The following ABCB4 variants were observed in gnomAD, a reference collection of about 807,000 sequenced individuals.
ABCB4 encodes the protein phosphatidylcholine translocator ABCB4.
ABCB4 carries 76 observed loss-of-function variants against 145.7 expected under a neutral mutation model. The ratio of observed to expected loss-of-function variants is 0.52; its 90% CI spans 0.43 to 0.63. The LOEUF is 0.63. Ranked by LOEUF, ABCB4 falls within the 30% of genes least tolerant of loss-of-function variation. The probability of loss-of-function intolerance (pLI) is 0.00; values close to 1 mark genes in which losing one functional copy is unlikely to be tolerated. For missense variants in ABCB4, 1,234 were observed against 1,553.1 expected, an observed-to-expected ratio of 0.79 and a Z score of 3.45; for synonymous variants, 517 against 566.8, an observed-to-expected ratio of 0.91 and a Z score of 1.25.
chr7:87,390,847 T>C, the ABCB4 span, among the ~76,000 whole-genome samples: 1 of 152,252 alleles, frequency 6.6e-6, no homozygotes, highest in East Asian at 1.9e-4. Context: ...CACATACTTT[T>C]TTATATCACA....
At chr7:87,385,965 G>C in the ABCB4 span, among the ~76,000 whole-genome samples, 2 of 152,094 alleles carry the variant, frequency 1.3e-5, no homozygotes, top group African/African-American at 4.8e-5. Context: ...TTATTCTGTT[G>C]ATGTGATATA....
Position 87,415,841 on chromosome 7 carries a change from A to G in ABCB4, c.2682+1471T>C, listed in dbSNP as rs557429548. Among the ~76,000 whole-genome samples the G allele has an allele frequency of 1.1e-4, 17 of 152,354 alleles. 1 individual carries two copies. In the South Asian group the frequency reaches 3.3e-3, roughly 30 times the overall value. On this transcript the variant is annotated intron_variant, in intron 21 of 27. Coordinates refer to ENST00000649586, the MANE Select transcript of ABCB4 (RefSeq NM_000443.4). The stretch of plus-strand genomic sequence containing the variant: ...ATTAACTAGATTCAAGATGTTTTCT[A>G]TCATGTAACTTGTCTAAGAAAAGTT...
chr7:87,398,898 G>A, downstream of ABCB4: 1 of 405,068 alleles, frequency 2.5e-6, no homozygotes, highest in Non-Finnish European at 4.5e-6. Context: ...GAACTATGCA[G>A]TATTTAAGCC....
chr7:87,379,524 G>A, the ABCB4 span, among the ~76,000 whole-genome samples: 1 of 152,082 alleles, frequency 6.6e-6, no homozygotes, highest in African/African-American at 2.4e-5. Flanking sequence ...TTTACTAATA[G>A]CACCAGTATC....
chr7:87,464,739 A>T (rs1812730256), intron 3 of ABCB4, among the ~76,000 whole-genome samples: 3 of 152,234 alleles, frequency 2.0e-5, no homozygotes, highest in Admixed American at 2.0e-4. Flanking sequence ...TAAGATATCT[A>T]GTAAGAGGTG....
At chr7:87,419,926 T>C in intron 19 of ABCB4, 72 bp downstream of exon 19, 1 of 1,484,688 alleles carries the variant, frequency 6.7e-7, no homozygotes, top group South Asian at 1.1e-5. Flanking sequence ...GACATAACAA[T>C]AAGAACAGTA....
chr7:87,373,837 G>A, the ABCB4 span, among the ~76,000 whole-genome samples: 148 of 152,082 alleles, frequency 9.7e-4, 1 homozygote, highest in African/African-American at 3.5e-3. Context: ...GAGAACAAAT[G>A]GTCAATGAAA....
At chr7:87,457,916 A>G (rs1453867807) in intron 4 of ABCB4, among the ~76,000 whole-genome samples, 1 of 152,188 alleles carries the variant, frequency 6.6e-6, no homozygotes, top group Non-Finnish European at 1.5e-5. Flanking sequence ...GAAGAAAGAG[A>G]GGTATCCATC....
the ABCB4 span, among the ~76,000 whole-genome samples, chr7:87,374,573 G>C: frequency 2.6e-5 from 4 of 152,042 alleles, no homozygotes; most frequent in Non-Finnish European, 5.9e-5. Context: ...AAAATCAGTA[G>C]TTACTAAAGA....
chr7:87,434,178 G>A (rs964760623), intron 14 of ABCB4, among the ~76,000 whole-genome samples: 9 of 145,362 alleles, frequency 6.2e-5, no homozygotes, highest in South Asian at 2.2e-4. Flanking sequence ...TCCTGACCTC[G>A]TGATCCGCCA....
intron 4 of ABCB4, among the ~76,000 whole-genome samples, chr7:87,457,333 C>A (rs1298385617): frequency 6.6e-6 from 1 of 152,078 alleles, no homozygotes; most frequent in African/African-American, 2.4e-5. Flanking sequence ...TTACTTGAGC[C>A]CAGGAGCTCA....
intron 18 of ABCB4, among the ~76,000 whole-genome samples, 200 bp downstream of exon 18, chr7:87,421,921 C>A (rs1809465190): frequency 6.6e-6 from 1 of 152,174 alleles, no homozygotes; most frequent in African/African-American, 2.4e-5. Flanking sequence ...CTGCTGAGGG[C>A]AAACTTGTAA....
chr7:87,391,122 C>T, the ABCB4 span, among the ~76,000 whole-genome samples: 1 of 152,228 alleles, frequency 6.6e-6, no homozygotes, highest in Non-Finnish European at 1.5e-5. Context: ...CAGTTTTCTG[C>T]CGCTAGGGCC....
intron 3 of ABCB4, among the ~76,000 whole-genome samples, chr7:87,463,138 A>T (rs1470574037): frequency 6.6e-6 from 1 of 152,164 alleles, no homozygotes; most frequent in African/African-American, 2.4e-5. Flanking sequence ...TCTGATTTGA[A>T]TAAATAATTA....
At chr7:87,445,941 T>G (rs914060328) in intron 9 of ABCB4, among the ~76,000 whole-genome samples, 5 of 152,138 alleles carry the variant, frequency 3.3e-5, no homozygotes, top group Non-Finnish European at 7.3e-5. Context: ...ATGAGGAAAT[T>G]AAGGCCATAG....
At chr7:87,473,261 T>C (rs1271342936) in intron 2 of ABCB4, among the ~76,000 whole-genome samples, 1 of 152,228 alleles carries the variant, frequency 6.6e-6, no homozygotes, top group Non-Finnish European at 1.5e-5. Context: ...CTTTCCTTTT[T>C]CTTACAATAA....
In ABCB4 at chr7:87,450,034, G is replaced by A; in HGVS notation, c.767C>T (p.Ala256Val). ...CCTGATGGCCCCCAGAGCCTCTTCT[G>A]CCACGGCGCCTGCTTTTGCATAAGC... ...LAAYAKAGAV[A>V]EEALGAIRTV... Residue 256 changes from alanine (A) to valine (V), a missense_variant, in exon 8 of 28, where the codon GCA becomes GTA. This residue lies in a region of ABCB4 where 467 missense variants were observed against 632.8 expected (regional missense o/e 0.74). Transcript: ENST00000649586. 1 of 1,614,138 alleles carries A rather than the reference G, an allele frequency of 6.2e-7. No individual in the cohort carries two copies. The highest frequency in any genetic ancestry group is 8.5e-7 in the Non-Finnish European group (1 of 1,180,010).
At chr7:87,431,842 G>C (rs1475051752) in intron 14 of ABCB4, among the ~76,000 whole-genome samples, 1 of 152,156 alleles carries the variant, frequency 6.6e-6, no homozygotes, top group Non-Finnish European at 1.5e-5. Context: ...GAAAAATAAG[G>C]GTTTGATCCT....
At position 87,415,939 on chromosome 7, in the gene ABCB4, G is replaced by A. The variant is rs1808941387; in HGVS notation, c.2682+1373C>T. 2.6e-5 allele frequency among the ~76,000 whole-genome samples: 4 copies of A among 152,290 alleles called. No individual in the cohort carries two copies. The South Asian group carries it at 8.3e-4, about 32-fold the overall frequency. On this transcript the variant is annotated intron_variant, in intron 21 of 27. Transcript: ENST00000649586. ...AGAAGCAGGATTGAGGGGCAGGGGA[G>A]GAAACAGAGCTACACAGTGTTTCTT...
Sources: gnomAD v4.1 joint callset for allele counts (sites outside exome capture counted in the v4.1 genomes callset) on GRCh38, gnomAD v4.1.1 for gene constraint, gnomAD v4.1.1 regional missense constraint, MANE v1.5 for transcripts, NCBI Gene and HGNC (gene_info 2026-07-23, HGNC 2026-07-21) for gene names.